Variants in SRGAP3 observed in about 807,000 individuals in gnomAD.
The protein encoded by SRGAP3 is SLIT-ROBO Rho GTPase activating protein 3.
Under a neutral mutation model 121.1 loss-of-function variants are expected in SRGAP3, and 39 were observed. The observed-to-expected ratio is 0.32, with a 90% CI of 0.25 to 0.42. The LOEUF is 0.42. Ranked by LOEUF, SRGAP3 falls within the 10% of genes least tolerant of loss-of-function variation. The pLI, the probability that SRGAP3 is intolerant of heterozygous loss-of-function variation, is 1.00. For missense variants in SRGAP3, 1,213 were observed against 1,470.6 expected (o/e 0.82, Z 2.86); for synonymous variants, 601 against 570.0 (o/e 1.05, Z -0.77).
intron 1 of SRGAP3, among the ~76,000 whole-genome samples, chr3:9,127,063 T>TGTC (rs1194173341): frequency 2.6e-5 from 4 of 152,206 alleles, no homozygotes; most frequent in Non-Finnish European, 5.9e-5. Flanking sequence ...AGACCACGTC[T>TGTC]GTCATCACAG....
chr3:9,099,693 G>A (rs762740911), intron 3 of SRGAP3, among the ~76,000 whole-genome samples: 2 of 152,236 alleles, frequency 1.3e-5, no homozygotes, highest in South Asian at 2.1e-4. Flanking sequence ...AGAAGCATGA[G>A]TATCACCTGG....
intron 4 of SRGAP3, among the ~76,000 whole-genome samples, chr3:9,076,964 A>G (rs1188996298): frequency 3.3e-5 from 5 of 151,758 alleles, no homozygotes; most frequent in African/African-American, 1.2e-4. Flanking sequence ...CTCTTTTTAT[A>G]TTATTATTAT....
intron 12 of SRGAP3, 88 bp from the exon 13 acceptor site, chr3:9,027,083 C>A: frequency 8.4e-7 from 1 of 1,183,682 alleles, no homozygotes. Flanking sequence ...AGACTCAAGC[C>A]AGAATATTAG....
chr3:9,257,081 TG>T (rs1954146310), intron 3 of SRGAP3: 4 of 383,810 alleles, frequency 1.0e-5, no homozygotes, highest in African/African-American at 2.1e-5. Flanking sequence ...AGAACCTAAA[TG>T]GGAAAGAAAG....
intron 2 of SRGAP3, among the ~76,000 whole-genome samples, chr3:9,114,395 C>T (rs1451825096): frequency 5.9e-5 from 9 of 152,172 alleles, no homozygotes; most frequent in Admixed American, 5.2e-4. Context: ...AGACAAACAG[C>T]CTATGATAAG....
intron 1 of SRGAP3, chr3:9,355,678 C>T (rs1444254815): frequency 1.3e-5 from 2 of 152,296 alleles, no homozygotes; most frequent in African/African-American, 4.8e-5. Context: ...CCACCAACCA[C>T]CTTGCTTAAT....
chr3:9,051,343 C>T (rs1000916976), intron 9 of SRGAP3, among the ~76,000 whole-genome samples: 1 of 152,152 alleles, frequency 6.6e-6, no homozygotes, highest in African/African-American at 2.4e-5. Context: ...CTGTCTTTGG[C>T]CTTGGCCTTG....
intron 3 of SRGAP3, among the ~76,000 whole-genome samples, chr3:9,324,087 T>C (rs1448960069): frequency 6.6e-6 from 1 of 151,868 alleles, no homozygotes; most frequent in South Asian, 2.1e-4. Flanking sequence ...GAGTTTGCCT[T>C]ATTTGAATGG....
At position 8,985,796 on chromosome 3, in the gene SRGAP3, T is replaced by C. The variant is rs761302054; in HGVS notation, c.3023A>G (p.Glu1008Gly). ...LKNPPGPVSS[E>G]PASPLHTIVI... The stretch of plus-strand genomic sequence containing the variant: ...GATGGTGTGAAGGGGACTGGCGGGC[T>C]CCGAGCTGACGGGGCCTGGCGGGTT... Residue 1008 changes from glutamate (E) to glycine (G), a missense_variant, in exon 22 of 22, where the codon GAG becomes GGG. Glu to Gly is a moderately conservative substitution (Grantham distance 98, BLOSUM62 -2). Coordinates refer to ENST00000383836, the MANE Select transcript of SRGAP3 (RefSeq NM_014850.4). This position sits in a 1 kb window ranked among gnomAD's most constrained non-coding sequence, Gnocchi z 5.1. The C allele has an allele frequency of 3.7e-6, 6 of 1,600,056 alleles. No homozygotes were observed. The Admixed American group carries it at 1.0e-4, about 27-fold the overall frequency.
rs531649516 is a variant in SRGAP3 at position 9,177,495 on chromosome 3, A to T, written c.68-52578T>A. Reference sequence around the variant, plus strand: ...GAGATGGTGCAGCCCCTCAGAGACCATGCCACGGAGTCTGACCCATGTGCC... The same window carrying T: ...GAGATGGTGCAGCCCCTCAGAGACCTTGCCACGGAGTCTGACCCATGTGCC... On this transcript the variant is annotated intron_variant, in intron 1 of 21. Transcript: ENST00000383836. Among the ~76,000 whole-genome samples, 11 of 152,222 alleles carry T rather than the reference A, an allele frequency of 7.2e-5. 1 individual carries two copies. In the South Asian group the frequency reaches 2.3e-3, roughly 32 times the overall value.
intron 8 of SRGAP3, 22 bp downstream of exon 8, chr3:9,056,211 T>C (rs1945815786): frequency 2.5e-6 from 4 of 1,612,586 alleles, no homozygotes; most frequent in Non-Finnish European, 3.4e-6. Context: ...AAATCCCTTA[T>C]AGGGCAGAGG....
Position 9,211,665 on chromosome 3 carries a change from C to CT in SRGAP3, c.67+37219dup, listed in dbSNP as rs1193329370. 5.2e-3 allele frequency among the ~76,000 whole-genome samples: 633 copies of CT among 121,142 alleles called. 5 individuals carry two copies. Among genetic ancestry groups the CT allele is most frequent in the African/African-American group, 7.7e-3 (249 of 32,404 alleles). 79.5% of individuals were successfully genotyped at this position (121,142 alleles called of 152,430 possible). A position where few individuals can be genotyped will look rare whatever the true frequency, so the allele number is the denominator to read the frequency against. On this transcript the variant is annotated intron_variant, in intron 1 of 21. Coordinates refer to ENST00000383836, the MANE Select transcript of SRGAP3 (RefSeq NM_014850.4). ...GATGTGCCTGACCCATCTTTCTTTT[C>CT]TTTTTTTTTTTTTTTTTTTTGAGAC...
chr3:9,062,015 TTC>T (rs1384267108), intron 5 of SRGAP3, among the ~76,000 whole-genome samples: 1 of 152,214 alleles, frequency 6.6e-6, no homozygotes, highest in Non-Finnish European at 1.5e-5. Context: ...ATCCTTTTAA[TTC>T]TCTTCAGAGA....
At chr3:9,224,739 C>T (rs1175508724) in intron 1 of SRGAP3, among the ~76,000 whole-genome samples, 2 of 152,186 alleles carry the variant, frequency 1.3e-5, no homozygotes, top group Non-Finnish European at 2.9e-5. Context: ...AGACAAGCTC[C>T]TATGTCTACA....
chr3:9,056,366 C>T, intron 7 of SRGAP3, 32 bp from the exon 8 acceptor site: 7 of 1,605,650 alleles, frequency 4.4e-6, no homozygotes, highest in South Asian at 2.2e-5. Flanking sequence ...TCTGTGGTTG[C>T]CCTGTGCCCT....
At chr3:9,130,390 T>C (rs1350042946) in intron 1 of SRGAP3, among the ~76,000 whole-genome samples, 1 of 152,188 alleles carries the variant, frequency 6.6e-6, no homozygotes, top group Non-Finnish European at 1.5e-5. Context: ...TGTATTGAGG[T>C]GCCTCACTCC....
intron 3 of SRGAP3, among the ~76,000 whole-genome samples, chr3:9,274,134 A>G (rs1332532657): frequency 1.3e-5 from 2 of 152,220 alleles, no homozygotes; most frequent in South Asian, 2.1e-4. Flanking sequence ...ACCTGGCATC[A>G]TGTCTGGTAC....
rs113568810 is a variant in SRGAP3 at position 9,353,497 on chromosome 3, T to C, written n.214+9343A>G. Reference sequence around the variant, plus strand: ...TGAAATTCAAGGAGAAGAATAAATTTCATATACATTCTCTTGAAAATTTAC... The same window carrying C: ...TGAAATTCAAGGAGAAGAATAAATTCCATATACATTCTCTTGAAAATTTAC... On this transcript the variant is annotated intron_variant and non_coding_transcript_variant, in intron 1 of 3. Coordinates refer to the SRGAP3 transcript ENST00000490889. Among the ~76,000 whole-genome samples, 294 of 152,372 alleles carry C rather than the reference T, an allele frequency of 1.9e-3. 1 individual carries two copies. Among genetic ancestry groups the C allele is most frequent in the African/African-American group, 6.7e-3 (278 of 41,594 alleles).
intron 1 of SRGAP3, among the ~76,000 whole-genome samples, chr3:9,247,073 A>G (rs1220587006): frequency 6.6e-6 from 1 of 152,200 alleles, no homozygotes; most frequent in East Asian, 1.9e-4. Flanking sequence ...TACCAAGAAA[A>G]TATCATAAAA....
Sources: gnomAD v4.1 joint callset for allele counts (sites outside exome capture counted in the v4.1 genomes callset) on GRCh38, gnomAD v4.1.1 for gene constraint, Gnocchi (gnomAD v3.1) non-coding constraint, MANE v1.5 for transcripts, NCBI Gene and HGNC (gene_info 2026-07-23, HGNC 2026-07-21) for gene names.